UBE2E1: variants seen among roughly 807,000 people sequenced by gnomAD.
The protein encoded by UBE2E1 is ubiquitin-conjugating enzyme E2 E1.
Under a neutral mutation model 21.4 loss-of-function variants are expected in UBE2E1, and 6 were observed. The observed-to-expected ratio is 0.28, with a 90% CI of 0.15 to 0.55. The LOEUF is 0.55. Ranked by LOEUF, UBE2E1 falls within the 20% of genes least tolerant of loss-of-function variation. The probability of loss-of-function intolerance (pLI) is 0.93; values close to 1 mark genes in which losing one functional copy is unlikely to be tolerated. For missense variants in UBE2E1, 142 were observed against 236.5 expected (o/e 0.60, Z 2.62); for synonymous variants, 87 against 82.7 (o/e 1.05, Z -0.28).
At chr3:23,831,077 A>T (rs1699856248) in intron 3 of UBE2E1, among the ~76,000 whole-genome samples, 1 of 152,206 alleles carries the variant, frequency 6.6e-6, no homozygotes, top group Non-Finnish European at 1.5e-5. Flanking sequence ...AGTCATTCTG[A>T]TACCACTTTT....
rs72627008 is a variant in UBE2E1, at chr3:23,835,650, A to G, written c.203+24140A>G. Among the ~76,000 whole-genome samples the G allele has an allele frequency of 2.9e-3, 435 of 152,352 alleles. 10 individuals carry two copies. In the East Asian group the frequency reaches 0.044, roughly 15 times the overall value. ...AATTTGCATACAGTGTACCTCTGGT[A>G]ATTTCCAGGCTTTTATGACATATAA... is the stretch of plus-strand genomic sequence containing the variant. On this transcript the variant is annotated intron_variant, in intron 3 of 5. Transcript: ENST00000306627.
intron 3 of UBE2E1, among the ~76,000 whole-genome samples, chr3:23,878,753 T>C (rs1307014999): frequency 2.0e-5 from 3 of 152,236 alleles, no homozygotes; most frequent in Non-Finnish European, 4.4e-5. Flanking sequence ...CACCCCCACA[T>C]GGGACTGTCT....
intron 3 of UBE2E1, among the ~76,000 whole-genome samples, chr3:23,825,605 A>T (rs1699741574): frequency 6.6e-6 from 1 of 152,200 alleles, no homozygotes; most frequent in Non-Finnish European, 1.5e-5. Flanking sequence ...GCAGGTTGGG[A>T]CATTGGTTGG....
chr3:23,856,122 G>A (rs950849582), intron 3 of UBE2E1, among the ~76,000 whole-genome samples: 2 of 152,134 alleles, frequency 1.3e-5, no homozygotes, highest in Non-Finnish European at 1.5e-5. Flanking sequence ...CACCTCCTGG[G>A]TTCAAGCAAT....
rs1249331215 is a variant in UBE2E1 at position 23,863,791 on chromosome 3, A to G, written c.204-23776A>G. On this transcript the variant is annotated intron_variant, in intron 3 of 5. Coordinates refer to ENST00000306627, the MANE Select transcript of UBE2E1 (RefSeq NM_003341.5). This position sits in a 1 kb window ranked among gnomAD's most constrained non-coding sequence, Gnocchi z 4.3. ...GTCATCCACCCACCTCAGCCTCCCA[A>G]AGTGCTGGGATTACAGGCGTGAACC... is the stretch of plus-strand genomic sequence containing the variant. 5.3e-5 allele frequency among the ~76,000 whole-genome samples: 8 copies of G among 152,012 alleles called. No individual in the cohort carries two copies. The highest frequency in any genetic ancestry group is 2.1e-4 in the South Asian group (1 of 4,822).
chr3:23,880,350 T>C (rs1439201543), intron 3 of UBE2E1, among the ~76,000 whole-genome samples: 3 of 152,244 alleles, frequency 2.0e-5, no homozygotes, highest in Non-Finnish European at 4.4e-5. Context: ...ACCACTGCAC[T>C]CTAGCCTGGA....
chr3:23,807,161 C>T (rs570412936), intron 1 of UBE2E1, 76 bp from the exon 2 acceptor site: 2 of 1,327,268 alleles, frequency 1.5e-6, no homozygotes, highest in Admixed American at 2.7e-5. Flanking sequence ...CAATGCCCTC[C>T]TGACAGCACC....
Position 23,863,488 on chromosome 3 carries a change from C to T in UBE2E1, c.204-24079C>T, listed in dbSNP as rs1700595586. On this transcript the variant is annotated intron_variant, in intron 3 of 5. Coordinates refer to ENST00000306627, the MANE Select transcript of UBE2E1 (RefSeq NM_003341.5). This position sits in a 1 kb window ranked among gnomAD's most constrained non-coding sequence, Gnocchi z 4.3. ...ATGCCTTCACAATTATCTAAAAGTC[C>T]TCAAAAGACATTCAGATGCATAGGT... 6.6e-6 allele frequency among the ~76,000 whole-genome samples: 1 copy of T among 152,106 alleles called. No homozygotes were observed. Among genetic ancestry groups the T allele is most frequent in the South Asian group, 2.1e-4 (1 of 4,820 alleles).
rs1050119493 is a variant in UBE2E1 at position 23,806,842 on chromosome 3, C to A, written c.-33-395C>A. The A allele has an allele frequency of 1.3e-5, 2 of 155,946 alleles. No individual in the cohort carries two copies. Among genetic ancestry groups the A allele is most frequent in the Non-Finnish European group, 2.8e-5 (2 of 70,814 alleles). 9.7% of individuals were successfully genotyped at this position (155,946 alleles called of 1,614,324 possible). On this transcript the variant is annotated intron_variant, in intron 1 of 5. Transcript: ENST00000306627. This position sits in a 1 kb window ranked among gnomAD's most constrained non-coding sequence, Gnocchi z 6.5. ...ACCCGGGCCACCGGCCCCTCACGAC[C>A]CCCGGAAAGCGGACAAAAACAGCCC...
At chr3:23,867,139 T>C (rs1700674323) in intron 3 of UBE2E1, among the ~76,000 whole-genome samples, 1 of 152,152 alleles carries the variant, frequency 6.6e-6, no homozygotes, top group African/African-American at 2.4e-5. Flanking sequence ...CTTGTCTTTT[T>C]TATATTTTAT....
rs192197485 is a variant in UBE2E1, at chr3:23,809,223, A to G, written c.152+1802A>G. 3.1e-3 allele frequency among the ~76,000 whole-genome samples: 466 copies of G among 152,346 alleles called. 1 individual carries two copies. Among genetic ancestry groups the G allele is most frequent in the Non-Finnish European group, 4.6e-3 (313 of 68,032 alleles). ...TAATCTTGCTGAAAGAGTAGCTATT[A>G]GTGTTAAAGCAGACCTAAAGTTAAT... On this transcript the variant is annotated intron_variant, in intron 2 of 5. Coordinates refer to ENST00000306627, the MANE Select transcript of UBE2E1 (RefSeq NM_003341.5).
intron 3 of UBE2E1, among the ~76,000 whole-genome samples, chr3:23,886,642 C>T (rs1701192458): frequency 6.6e-6 from 1 of 152,168 alleles, no homozygotes; most frequent in African/African-American, 2.4e-5. Flanking sequence ...TTTATTCCCT[C>T]CCTCTTCATC....
chr3:23,871,741 C>T (rs1322170490), intron 3 of UBE2E1, among the ~76,000 whole-genome samples: 8 of 150,840 alleles, frequency 5.3e-5, no homozygotes, highest in Admixed American at 1.3e-4. Flanking sequence ...GACGGGGCGG[C>T]GGGGCAAAGG....
At chr3:23,858,101 A>G (rs1380728424) in intron 3 of UBE2E1, among the ~76,000 whole-genome samples, 1 of 152,130 alleles carries the variant, frequency 6.6e-6, no homozygotes, top group Non-Finnish European at 1.5e-5. Flanking sequence ...TGAGCTAGTT[A>G]AACCTCAGGC....
chr3:23,888,131 C>T, intron 4 of UBE2E1: 2 of 431,858 alleles, frequency 4.6e-6, no homozygotes, highest in Non-Finnish European at 9.2e-6. Flanking sequence ...CAAAAAAAGG[C>T]AGGGCAGGTC....
At chr3:23,844,720 A>G (rs375353573) in intron 3 of UBE2E1, among the ~76,000 whole-genome samples, 2 of 152,158 alleles carry the variant, frequency 1.3e-5, no homozygotes, top group East Asian at 1.9e-4. Flanking sequence ...ATTTTTGCCA[A>G]TCATACTCTA....
At chr3:23,884,913 T>G (rs1283110991) in intron 3 of UBE2E1, among the ~76,000 whole-genome samples, 1 of 152,220 alleles carries the variant, frequency 6.6e-6, no homozygotes, top group African/African-American at 2.4e-5. Flanking sequence ...AACCCCTGTA[T>G]TAGTGTTATT....
chr3:23,843,412 T>C (rs1440324767), intron 3 of UBE2E1, among the ~76,000 whole-genome samples: 1 of 152,240 alleles, frequency 6.6e-6, no homozygotes, highest in Non-Finnish European at 1.5e-5. Flanking sequence ...ATAATGATAA[T>C]ATAGATTTTC....
At chr3:23,873,502 T>C (rs1248092972) in intron 3 of UBE2E1, among the ~76,000 whole-genome samples, 1 of 152,044 alleles carries the variant, frequency 6.6e-6, no homozygotes, top group African/African-American at 2.4e-5. Context: ...ATCCCAGCAC[T>C]TTGGGGAGGC....
Sources: allele counts gnomAD v4.1 joint callset (sites outside exome capture counted in the v4.1 genomes callset), GRCh38; gene constraint gnomAD v4.1.1; non-coding constraint Gnocchi (gnomAD v3.1); transcripts MANE v1.5; gene names NCBI Gene and HGNC (gene_info 2026-07-23, HGNC 2026-07-21).